PRG4: variants seen among roughly 807,000 people sequenced by gnomAD.
PRG4 encodes articular superficial zone protein.
A neutral mutation model predicts 91.2 loss-of-function variants in PRG4; 61 were observed. The observed-to-expected ratio is 0.67, with a 90% CI of 0.54 to 0.83. PRG4 has a LOEUF of 0.83. PRG4 is among the 40% of genes least tolerant of loss of function. The probability of loss-of-function intolerance (pLI) is 0.00; values close to 1 mark genes in which losing one functional copy is unlikely to be tolerated. For missense variants in PRG4, 1,564 were observed against 1,714.2 expected, an observed-to-expected ratio of 0.91 and a Z score of 1.55; for synonymous variants, 576 against 614.2, an observed-to-expected ratio of 0.94 and a Z score of 0.92.
intron 11 of PRG4, 146 bp from the exon 12 acceptor site, chr1:186,312,623 C>G (rs1487645478): frequency 1.1e-6 from 1 of 898,622 alleles, no homozygotes; most frequent in African/African-American, 1.7e-5. Context: ...GTACTTCTTA[C>G]CAAGAACATT....
In PRG4 at chr1:186,311,466, T is replaced by C. The variant is rs1244041694; in HGVS notation, c.3663T>C (p.Asn1221=). Residue 1221 remains asparagine, a synonymous_variant, in exon 10 of 13, where the codon AAT becomes AAC. Coordinates refer to ENST00000445192, the MANE Select transcript of PRG4 (RefSeq NM_005807.6). ...FKDSQYWRFT[N]DIKDAGYPKP... is the part of the protein sequence containing the mutation. ...ATTCTCAGTACTGGCGTTTTACCAA[T>C]GATATAAAAGATGCAGGGTACCCCA... The C allele has an allele frequency of 6.2e-7, 1 of 1,613,486 alleles. No individual in the cohort carries two copies. The highest frequency in any genetic ancestry group is 1.3e-5 in the African/African-American group (1 of 74,910).
chr1:186,312,875 T>C lies in PRG4; in HGVS notation c.4098T>C (p.Asp1366=). ...LPNIRKPDGY[D]YYAFSKDQYY... ...ACATCAGAAAACCTGACGGCTATGA[T>C]TACTATGCCTTTTCTAAAGGTAAGG... The change falls in exon 12 of 13, where the codon GAT becomes GAC. Residue 1366 remains aspartate (D), a synonymous_variant. Coordinates refer to ENST00000445192, the MANE Select transcript of PRG4 (RefSeq NM_005807.6). The C allele has an allele frequency of 6.2e-7, 1 of 1,612,566 alleles. No individual in the cohort carries two copies. Among genetic ancestry groups the C allele is most frequent in the Non-Finnish European group, 8.5e-7 (1 of 1,178,570 alleles).
chr1:186,312,109 T>C, intron 10 of PRG4, 66 bp from the exon 11 acceptor site: 1 of 1,428,878 alleles, frequency 7.0e-7, no homozygotes, highest in Non-Finnish European at 9.8e-7. Flanking sequence ...AAAAGTTGTT[T>C]TCCACCTTTT....
rs749218886 is a variant in PRG4, at chr1:186,306,463, A to G, written c.744A>G (p.Thr248=). Residue 248 remains threonine (T), a synonymous_variant, in exon 7 of 13, where the codon ACA becomes ACG. Transcript: ENST00000445192. Reference sequence around the variant, plus strand: ...CCACCCAACACAATAAAGTCAGCACATCTCCCAAGATCACAACAGCAAAAC... The same window carrying G: ...CCACCCAACACAATAAAGTCAGCACGTCTCCCAAGATCACAACAGCAAAAC... ...TSTTQHNKVS[T]SPKITTAKPI... 15 of 1,613,632 alleles carry G rather than the reference A, an allele frequency of 9.3e-6. No homozygotes were observed. In the East Asian group the frequency reaches 2.5e-4, roughly 26 times the overall value.
chr1:186,299,756 A>G (rs578132669), intron 2 of PRG4, among the ~76,000 whole-genome samples: 8 of 152,364 alleles, frequency 5.3e-5, no homozygotes, highest in African/African-American at 1.9e-4. Context: ...GAGAAGCTCA[A>G]TAAATGGCAA....
Position 186,300,194 on chromosome 1 carries a change from C to T in PRG4, c.180C>T (p.Phe60=). The part of the protein sequence containing the change: ...CQHYMECCPD[F]KRVCTAELSC... ...ACTACATGGAGTGCTGCCCTGATTT[C>T]AAGAGAGTCTGCACTGCGGGTAAGT... is the stretch of plus-strand genomic sequence containing the variant. Residue 60 remains phenylalanine, a synonymous_variant, in exon 3 of 13, where the codon TTC becomes TTT. Transcript: ENST00000445192. The T allele has an allele frequency of 6.2e-7, 1 of 1,614,152 alleles. No individual in the cohort carries two copies. Among genetic ancestry groups the T allele is most frequent in the Non-Finnish European group, 8.5e-7 (1 of 1,180,032 alleles).
At position 186,304,793 on chromosome 1, in the gene PRG4, G is replaced by T. The variant is rs1656442848; in HGVS notation, c.470-1G>T. On this transcript the variant is annotated splice_acceptor_variant, in intron 5 of 12. Coordinates refer to ENST00000445192, the MANE Select transcript of PRG4 (RefSeq NM_005807.6). LOFTEE classifies it high-confidence loss of function. ...GATCAAACTTTCTATTTGATTTATA[G>T]AACATTCTGTTTCTGAAAATCAAGA... The T allele has an allele frequency of 6.2e-7, 1 of 1,610,236 alleles. No homozygotes were observed. The highest frequency in any genetic ancestry group is 1.3e-5 in the African/African-American group (1 of 74,774).
rs1656809632 is a variant in PRG4 at position 186,307,670 on chromosome 1, A to C, written c.1951A>C (p.Thr651Pro). The part of the protein sequence containing the change: ...APTTPEELAP[T>P]TPEEPTPTTP... ...CACCACCCCTGAGGAGCTCGCACCC[A>C]CCACCCCTGAGGAGCCCACACCCAC... is the stretch of plus-strand genomic sequence containing the variant. Residue 651 changes from threonine (T) to proline (P), a missense_variant, in exon 7 of 13, where the codon ACC becomes CCC. Around this residue, in one of 3 missense-constraint regions of PRG4, gnomAD observed 1,079 missense variants for 1,162.2 expected, o/e 0.93. Coordinates refer to ENST00000445192, the MANE Select transcript of PRG4 (RefSeq NM_005807.6). 6.9e-7 allele frequency: 1 copy of C among 1,453,874 alleles called. No individual in the cohort carries two copies. The highest frequency in any genetic ancestry group is 2.1e-5 in the Admixed American group (1 of 47,604). The allele number at this position is 1,453,874 out of a possible 1,614,324, so 90.1% of individuals were successfully genotyped here. A position where few individuals can be genotyped will look rare whatever the true frequency, so the allele number is the denominator to read the frequency against.
intron 9 of PRG4, 70 bp downstream of exon 9, chr1:186,311,240 T>C: frequency 5.9e-6 from 9 of 1,516,006 alleles, no homozygotes; most frequent in Admixed American, 3.4e-5. Context: ...ACAACATATA[T>C]TGCCTTAACC....
chr1:186,304,986 A>C, intron 6 of PRG4, 64 bp downstream of exon 6: 1 of 1,537,778 alleles, frequency 6.5e-7, no homozygotes, highest in Non-Finnish European at 9.0e-7. Context: ...TATATTTAAA[A>C]GTAATGCGTG....
At chr1:186,303,133 A>G (rs1459701354) in intron 4 of PRG4, among the ~76,000 whole-genome samples, 1 of 152,194 alleles carries the variant, frequency 6.6e-6, no homozygotes, top group Non-Finnish European at 1.5e-5. Flanking sequence ...ATATCTAAAA[A>G]TCATAACATT....
At chr1:186,311,648 A>T in intron 10 of PRG4, 52 bp downstream of exon 10, 2 of 1,533,248 alleles carry the variant, frequency 1.3e-6, no homozygotes, top group Non-Finnish European at 1.8e-6. Context: ...AATTACACTC[A>T]GCATTTTCAT....
At chr1:186,311,919 A>G in intron 10 of PRG4, 1 of 540,818 alleles carries the variant, frequency 1.8e-6, no homozygotes, top group South Asian at 2.3e-5. Context: ...TGTGCTGCCA[A>G]ACTGAGCACT....
chr1:186,314,394 A>G lies in PRG4; in HGVS notation c.*616A>G. ...ATTTTCCAAATCTTAATTTGGATTTAAGGAAGAAATCAATAAATATAAAAT... is the reference window on the plus strand; with the variant it reads ...ATTTTCCAAATCTTAATTTGGATTTGAGGAAGAAATCAATAAATATAAAAT... On this transcript the variant is annotated 3_prime_UTR_variant, in exon 13 of 13. Coordinates refer to ENST00000445192, the MANE Select transcript of PRG4 (RefSeq NM_005807.6). The G allele has an allele frequency of 2.8e-6, 1 of 357,296 alleles. No homozygotes were observed. The allele number at this position is 357,296 out of a possible 1,614,324, so 22.1% of individuals were successfully genotyped here. A position where few individuals can be genotyped will look rare whatever the true frequency, so the allele number is the denominator to read the frequency against.
intron 3 of PRG4, among the ~76,000 whole-genome samples, chr1:186,300,848 G>T (rs1919200): frequency 0.13 from 19,983 of 152,140 alleles, 1,463 homozygotes; most frequent in Non-Finnish European, 0.16. Context: ...TTCAATTTAA[G>T]AAAATTGTAA....
Position 186,300,126 on chromosome 1 carries a change from T to A in PRG4, c.112T>A (p.Tyr38Asn). Residue 38 changes from tyrosine (Y) to asparagine (N), a missense_variant, in exon 3 of 13, where the codon TAT (tyrosine) becomes AAT (asparagine). Physicochemically the swap from Tyr to Asn is moderately radical, Grantham distance 143 (BLOSUM62 -2). This residue lies in a region of PRG4 where 437 missense variants were observed against 459.0 expected (regional missense o/e 0.95). Transcript: ENST00000445192. ...CTGTGCAGGGAGATGTGGGGAAGGG[T>A]ATTCTAGAGATGCCACCTGCAACTG... is the stretch of plus-strand genomic sequence containing the variant. The part of the protein sequence containing the change: ...SSCAGRCGEG[Y>N]SRDATCNCDY... 1 of 1,613,934 alleles carries A rather than the reference T, an allele frequency of 6.2e-7. No individual in the cohort carries two copies. The highest frequency in any genetic ancestry group is 8.5e-7 in the Non-Finnish European group (1 of 1,179,816).
intron 2 of PRG4, among the ~76,000 whole-genome samples, chr1:186,298,871 T>C (rs572947923): frequency 2.0e-4 from 31 of 152,130 alleles, no homozygotes; most frequent in East Asian, 1.7e-3. Flanking sequence ...CTTTTTTCTT[T>C]ATATATAATA....
rs559941995 is a variant in PRG4 at position 186,314,523 on chromosome 1, T to G, written c.*745T>G. The G allele has an allele frequency of 1.2e-6, 1 of 803,964 alleles. No homozygotes were observed. Among genetic ancestry groups the G allele is most frequent in the Admixed American group, 3.2e-5 (1 of 31,504 alleles). The allele number at this position is 803,964 out of a possible 1,614,324, so 49.8% of individuals were successfully genotyped here. A position where few individuals can be genotyped will look rare whatever the true frequency, so the allele number is the denominator to read the frequency against. ...TCAACATGTAATTATTTAATAAAAC[T>G]TTGGAACATTAAAAAAATAAATTGG... On this transcript the variant is annotated 3_prime_UTR_variant, in exon 13 of 13. Transcript: ENST00000445192.
In PRG4 at chr1:186,308,956, T is replaced by C. The variant is rs1266143828; in HGVS notation, c.3237T>C (p.Pro1079=). 8 of 1,608,766 alleles carry C rather than the reference T, an allele frequency of 5.0e-6. No individual in the cohort carries two copies. The highest frequency in any genetic ancestry group is 5.9e-6 in the Non-Finnish European group (7 of 1,177,716). The change falls in exon 7 of 13, where the codon CCT becomes CCC. Residue 1079 remains proline (P), a synonymous_variant. Transcript: ENST00000445192. ...AEAMLQTTTR[P]NQTPNSKLVE... is the part of the protein sequence containing the mutation. ...CCATGCTCCAAACCACCACCAGACC[T>C]AACCAAACTCCAAACTCCAAACTAG...
Sources: gnomAD v4.1 joint callset for allele counts (sites outside exome capture counted in the v4.1 genomes callset) on GRCh38, gnomAD v4.1.1 for gene constraint, gnomAD v4.1.1 regional missense constraint, MANE v1.5 for transcripts, NCBI Gene and HGNC (gene_info 2026-07-23, HGNC 2026-07-21) for gene names.